The following SLC39A11 variants were observed in gnomAD, a reference collection of about 807,000 sequenced individuals.
SLC39A11 encodes zinc transporter ZIP11.
In SLC39A11, 33 loss-of-function variants were observed where a neutral mutation model predicts 36.1. The ratio of observed to expected loss-of-function variants is 0.91; its 90% CI spans 0.69 to 1.22. The LOEUF (loss-of-function observed/expected upper bound fraction) is 1.22. Ranked by LOEUF, SLC39A11 falls within the 50% of genes most tolerant of loss-of-function variation. The pLI, the probability that SLC39A11 is intolerant of heterozygous loss-of-function variation, is 0.00. For missense variants in SLC39A11, 432 were observed against 430.3 expected (o/e 1.00, Z -0.03); for synonymous variants, 166 against 170.3 (o/e 0.97, Z 0.20).
At chr17:72,914,008 T>G (rs2083179423) in intron 5 of SLC39A11, among the ~76,000 whole-genome samples, 1 of 120,614 alleles carries the variant, frequency 8.3e-6, no homozygotes. Flanking sequence ...TTAAAATAAT[T>G]GAAAGAAAAA....
At chr17:72,846,504 C>T (rs957029891) in intron 6 of SLC39A11, among the ~76,000 whole-genome samples, 6 of 152,228 alleles carry the variant, frequency 3.9e-5, no homozygotes, top group African/African-American at 1.2e-4. Flanking sequence ...CATCTTCCTC[C>T]TGTTTCTGGC....
At chr17:72,854,880 CCG>C (rs1308214195) in intron 5 of SLC39A11, among the ~76,000 whole-genome samples, 1 of 152,174 alleles carries the variant, frequency 6.6e-6, no homozygotes, top group East Asian at 1.9e-4. Context: ...TCTGATGCAT[CCG>C]CTTCCCTGAT....
chr17:72,950,580 T>C (rs578052362), intron 4 of SLC39A11, among the ~76,000 whole-genome samples: 1 of 152,380 alleles, frequency 6.6e-6, no homozygotes, highest in Admixed American at 6.5e-5. Flanking sequence ...ATAAAAGATA[T>C]GTTTCACTAT....
intron 4 of SLC39A11, among the ~76,000 whole-genome samples, chr17:72,969,259 G>A (rs1035558740): frequency 2.6e-5 from 4 of 152,136 alleles, no homozygotes; most frequent in Admixed American, 2.0e-4. Context: ...GCAGCAGCTA[G>A]ACACCGAGCG....
intron 7 of SLC39A11, among the ~76,000 whole-genome samples, chr17:72,674,381 C>A (rs2071159954): frequency 6.6e-6 from 1 of 152,230 alleles, no homozygotes; most frequent in South Asian, 2.1e-4. Context: ...TCTTCCCACT[C>A]TTTTTGATGG....
chr17:72,820,166 G>C (rs1029207824), intron 6 of SLC39A11, among the ~76,000 whole-genome samples: 1 of 151,236 alleles, frequency 6.6e-6, no homozygotes, highest in Non-Finnish European at 1.5e-5. Context: ...ATGGACAATT[G>C]TAATAAAAGT....
chr17:72,701,727 C>CAAAAAAAAA (rs57220008), intron 7 of SLC39A11, among the ~76,000 whole-genome samples: 26 of 88,760 alleles, frequency 2.9e-4, no homozygotes, highest in African/African-American at 3.8e-4. Context: ...GATTCTGTCT[C>CAAAAAAAAA]AAAAAAAAAA....
chr17:72,755,458 A>G (rs918181924), intron 6 of SLC39A11, among the ~76,000 whole-genome samples: 2 of 152,250 alleles, frequency 1.3e-5, no homozygotes, highest in Non-Finnish European at 2.9e-5. Context: ...GGGAGTTGGG[A>G]GGATGACCAT....
intron 4 of SLC39A11, among the ~76,000 whole-genome samples, chr17:73,004,207 GAAAGAAAGAAAGAAAGAAAGAAAGA>G (rs1568105635): frequency 2.4e-5 from 3 of 126,874 alleles, no homozygotes; most frequent in East Asian, 2.7e-4. Context: ...AAGAAAGAAA[GAAAGAAAGAAAGAAAGAAAGAAAGA>G]AAAGAAAGAA....
chr17:72,909,890 C>A (rs532151056), intron 5 of SLC39A11, among the ~76,000 whole-genome samples: 1 of 151,510 alleles, frequency 6.6e-6, no homozygotes, highest in Non-Finnish European at 1.5e-5. Flanking sequence ...GGACTCCAGG[C>A]GCCCGCCATT....
intron 7 of SLC39A11, among the ~76,000 whole-genome samples, chr17:72,722,994 T>C (rs905721749): frequency 3.9e-5 from 6 of 152,206 alleles, no homozygotes; most frequent in African/African-American, 1.4e-4. Context: ...CGGTCTACGA[T>C]TGCATCTTTC....
At chr17:72,932,073 G>A (rs1434493326) in intron 5 of SLC39A11, among the ~76,000 whole-genome samples, 5 of 152,104 alleles carry the variant, frequency 3.3e-5, no homozygotes, top group Non-Finnish European at 7.3e-5. Context: ...GGCTCCATGA[G>A]CTCTTTGGCT....
intron 4 of SLC39A11, among the ~76,000 whole-genome samples, chr17:72,962,619 C>T (rs1331033380): frequency 6.6e-6 from 1 of 152,076 alleles, no homozygotes; most frequent in East Asian, 1.9e-4. Context: ...TCACTGTAAC[C>T]TCTGCCTCCC....
At chr17:72,755,765 C>T (rs1040322566) in intron 6 of SLC39A11, among the ~76,000 whole-genome samples, 8 of 152,220 alleles carry the variant, frequency 5.3e-5, no homozygotes, top group Non-Finnish European at 2.9e-5. Flanking sequence ...ACAAGCTTCA[C>T]CACCAGGCCC....
chr17:72,865,106 G>C (rs2080234077), intron 5 of SLC39A11, among the ~76,000 whole-genome samples: 1 of 152,092 alleles, frequency 6.6e-6, no homozygotes. Context: ...TTGCAACAAA[G>C]GAAGGAAATC....
At chr17:72,794,269 A>G (rs2076814914) in intron 6 of SLC39A11, among the ~76,000 whole-genome samples, 1 of 152,062 alleles carries the variant, frequency 6.6e-6, no homozygotes, top group South Asian at 2.1e-4. Flanking sequence ...ATCACCCATC[A>G]TAAGAAAGGA....
chr17:72,954,798 G>T (rs2086127974), intron 4 of SLC39A11, among the ~76,000 whole-genome samples: 1 of 152,182 alleles, frequency 6.6e-6, no homozygotes, highest in African/African-American at 2.4e-5. Context: ...CCAGGGCCAG[G>T]CTGGCTCCCG....
chr17:72,957,301 T>G (rs988332801), intron 4 of SLC39A11, among the ~76,000 whole-genome samples: 1 of 152,166 alleles, frequency 6.6e-6, no homozygotes, highest in African/African-American at 2.4e-5. Flanking sequence ...ACGGGGAAAT[T>G]TGTGGCTATT....
intron 7 of SLC39A11, among the ~76,000 whole-genome samples, chr17:72,724,083 G>C (rs764718916): frequency 6.6e-6 from 1 of 151,912 alleles, no homozygotes; most frequent in Non-Finnish European, 1.5e-5. Flanking sequence ...ACATCTTACT[G>C]GCAAAACACT....
Sources: allele counts gnomAD v4.1 joint callset (sites outside exome capture counted in the v4.1 genomes callset), GRCh38; gene constraint gnomAD v4.1.1; transcripts MANE v1.5; gene names NCBI Gene and HGNC (gene_info 2026-07-23, HGNC 2026-07-21).